The following MBNL2 variants were observed in gnomAD, a reference collection of about 807,000 sequenced individuals.
MBNL2 encodes the protein muscleblind-like protein 2.
Under a neutral mutation model 41.9 loss-of-function variants are expected in MBNL2, and 17 were observed. The ratio of observed to expected loss-of-function variants is 0.41; its 90% CI spans 0.28 to 0.61. The LOEUF (loss-of-function observed/expected upper bound fraction) is 0.61, where lower values mean the gene tolerates loss of function less well. Ranked by LOEUF, MBNL2 falls within the 20% of genes least tolerant of loss-of-function variation. The pLI is 0.35. For missense variants in MBNL2, 336 were observed against 505.6 expected (o/e 0.66, Z 3.22); for synonymous variants, 195 against 182.9 (o/e 1.07, Z -0.53).
the MBNL2 span, among the ~76,000 whole-genome samples, chr13:97,199,179 A>C: frequency 1.3e-5 from 2 of 152,058 alleles, no homozygotes; most frequent in African/African-American, 4.8e-5. Flanking sequence ...CTCTTCCTAG[A>C]TACTGGTCCT....
the MBNL2 span, among the ~76,000 whole-genome samples, chr13:97,148,406 A>C: frequency 5.9e-5 from 9 of 152,144 alleles, no homozygotes. Flanking sequence ...ATATTTGTCC[A>C]AACCCACAGA....
chr13:97,159,981 C>A, the MBNL2 span, among the ~76,000 whole-genome samples: 1 of 152,046 alleles, frequency 6.6e-6, no homozygotes, highest in South Asian at 2.1e-4. Flanking sequence ...GGATAATATC[C>A]TGCAGAGTGT....
chr13:97,163,723 C>G, the MBNL2 span, among the ~76,000 whole-genome samples: 1 of 152,146 alleles, frequency 6.6e-6, no homozygotes, highest in East Asian at 1.9e-4. Context: ...CCTGCACACA[C>G]CTGCACACAC....
chr13:97,148,262 C>CT, the MBNL2 span, among the ~76,000 whole-genome samples: 1 of 152,138 alleles, frequency 6.6e-6, no homozygotes, highest in East Asian at 1.9e-4. Context: ...CTCTGCATTT[C>CT]TTAGCTGAGA....
the MBNL2 span, among the ~76,000 whole-genome samples, chr13:97,206,785 A>G: frequency 6.6e-6 from 1 of 152,214 alleles, no homozygotes; most frequent in Non-Finnish European, 1.5e-5. Flanking sequence ...TATTGTAGTA[A>G]TAATGATAAT....
At chr13:97,335,329 T>C (rs1474813076) in intron 3 of MBNL2, among the ~76,000 whole-genome samples, 2 of 152,126 alleles carry the variant, frequency 1.3e-5, no homozygotes, top group African/African-American at 4.8e-5. Context: ...AATGTGTTTG[T>C]TTCTAAAAAG....
intron 1 of MBNL2, among the ~76,000 whole-genome samples, chr13:97,223,701 G>T (rs2041150604): frequency 6.6e-6 from 1 of 152,186 alleles, no homozygotes; most frequent in East Asian, 1.9e-4. Flanking sequence ...AAGGCAGGGG[G>T]AACATTCTTA....
intron 1 of MBNL2, among the ~76,000 whole-genome samples, chr13:97,227,049 A>G (rs1179034445): frequency 2.9e-5 from 3 of 105,014 alleles, no homozygotes; most frequent in African/African-American, 1.1e-4. Flanking sequence ...ACAAAAAAAA[A>G]AAACAAAAAA....
At chr13:97,258,963 G>A (rs898165639) in intron 1 of MBNL2, among the ~76,000 whole-genome samples, 8 of 152,184 alleles carry the variant, frequency 5.3e-5, no homozygotes, top group Non-Finnish European at 1.2e-4. Flanking sequence ...TTCGAGATAT[G>A]TTAACCCCCA....
intron 8 of MBNL2, among the ~76,000 whole-genome samples, chr13:97,377,368 C>T (rs1165287232): frequency 6.6e-6 from 1 of 152,174 alleles, no homozygotes. Context: ...AAAACTCAGT[C>T]TCCTAATATG....
At chr13:97,145,185 C>T in the MBNL2 span, among the ~76,000 whole-genome samples, 8 of 152,134 alleles carry the variant, frequency 5.3e-5, no homozygotes, top group South Asian at 2.1e-4. Flanking sequence ...CAACCTGTGA[C>T]GGGCCTGTGG....
At chr13:97,358,196 C>A (rs1004001004) in intron 7 of MBNL2, among the ~76,000 whole-genome samples, 3 of 152,258 alleles carry the variant, frequency 2.0e-5, no homozygotes, top group Non-Finnish European at 2.9e-5. Flanking sequence ...CTATTACGTA[C>A]GATGTGCATT....
intron 2 of MBNL2, among the ~76,000 whole-genome samples, chr13:97,329,145 T>A (rs2060160393): frequency 2.0e-5 from 3 of 152,226 alleles, no homozygotes; most frequent in Non-Finnish European, 4.4e-5. Context: ...TCATGGTTGC[T>A]GATTTTAATA....
intron 8 of MBNL2, among the ~76,000 whole-genome samples, chr13:97,373,371 A>G (rs891553034): frequency 9.9e-5 from 15 of 152,038 alleles, no homozygotes; most frequent in African/African-American, 3.4e-4. Context: ...GAGAATTGCC[A>G]TATCAAACAT....
chr13:97,264,355 A>G (rs1314737889), intron 1 of MBNL2, among the ~76,000 whole-genome samples: 2 of 152,102 alleles, frequency 1.3e-5, no homozygotes, highest in East Asian at 3.9e-4. Context: ...CTTGTTAGGA[A>G]CTTCATCAGA....
intron 2 of MBNL2, among the ~76,000 whole-genome samples, chr13:97,294,804 A>G (rs1417934431): frequency 6.6e-6 from 1 of 152,244 alleles, no homozygotes; most frequent in Non-Finnish European, 1.5e-5. Flanking sequence ...CACAAAGACT[A>G]TGTTAACTCA....
At position 97,366,265 on chromosome 13, in the gene MBNL2, G is replaced by A. The variant is rs1367197207; in HGVS notation, c.1048+1094G>A. On this transcript the variant is annotated intron_variant, in intron 8 of 8. Transcript: ENST00000679496. The surrounding 1 kb of genome is among the most constrained non-coding windows in gnomAD (Gnocchi z 4.7). ...TTATGTTTTAAAACTTCCTTTAATT[G>A]TACTTGTAATAAGCTATTTTCCCTT... Among the ~76,000 whole-genome samples the A allele has an allele frequency of 6.6e-6, 1 of 152,086 alleles. No homozygotes were observed. The highest frequency in any genetic ancestry group is 1.5e-5 in the Non-Finnish European group (1 of 67,996).
At chr13:97,155,846 G>C in the MBNL2 span, among the ~76,000 whole-genome samples, 157 of 148,748 alleles carry the variant, frequency 1.1e-3, 1 homozygote, top group African/African-American at 3.5e-3. Context: ...GAATAATGCC[G>C]CAATAAACAT....
intron 8 of MBNL2, among the ~76,000 whole-genome samples, chr13:97,377,013 G>T (rs951549972): frequency 6.6e-6 from 1 of 152,106 alleles, no homozygotes. Context: ...AACGGATCGT[G>T]TAAGGGGCCT....
Sources: gnomAD v4.1 joint callset for allele counts (sites outside exome capture counted in the v4.1 genomes callset) on GRCh38, gnomAD v4.1.1 for gene constraint, Gnocchi (gnomAD v3.1) non-coding constraint, MANE v1.5 for transcripts, NCBI Gene and HGNC (gene_info 2026-07-23, HGNC 2026-07-21) for gene names.